IL18R1: variants seen among roughly 807,000 people sequenced by gnomAD.
The protein encoded by IL18R1 is interleukin-18 receptor 1.
IL18R1 carries 40 observed loss-of-function variants against 48.5 expected under a neutral mutation model. The observed-to-expected ratio is 0.82, with a 90% confidence interval of 0.64 to 1.07. The LOEUF is 1.07. IL18R1 is among the 50% of genes least tolerant of loss of function. IL18R1 has a pLI of 0.00. For missense variants in IL18R1, 596 were observed against 633.7 expected, an observed-to-expected ratio of 0.94 and a Z score of 0.64; for synonymous variants, 232 against 225.9, an observed-to-expected ratio of 1.03 and a Z score of -0.24.
At position 102,362,725 on chromosome 2, in the gene IL18R1, G is replaced by T; in HGVS notation, c.58+7G>T. ...ATATCTGTAAGCACTGCAGGTAAGT[G>T]ATTATACATACTCTCAAACATATTT... On this transcript the variant is annotated splice_region_variant and intron_variant, in intron 2 of 10. Transcript: ENST00000233957. 6.6e-7 allele frequency: 1 copy of T among 1,526,464 alleles called. No individual in the cohort carries two copies. Among genetic ancestry groups the T allele is most frequent in the South Asian group, 1.2e-5 (1 of 85,696 alleles). The allele number at this position is 1,526,464 out of a possible 1,614,324, so 94.6% of individuals were successfully genotyped here.
intron 8 of IL18R1, among the ~76,000 whole-genome samples, chr2:102,389,678 C>G (rs1553677452): frequency 1.3e-5 from 2 of 152,272 alleles, no homozygotes; most frequent in South Asian, 2.1e-4. Flanking sequence ...ATCCAGTGCT[C>G]TCTCTCTTCT....
At position 102,356,011 on chromosome 2, in the gene IL18R1, C is replaced by T. The variant is rs1475621126; in HGVS notation, c.-418C>T. The T allele has an allele frequency of 6.6e-6, 1 of 152,188 alleles. No individual in the cohort carries two copies. The highest frequency in any genetic ancestry group is 2.4e-5 in the African/African-American group (1 of 41,432). 9.4% of individuals were successfully genotyped at this position (152,188 alleles called of 1,614,324 possible). A position where few individuals can be genotyped will look rare whatever the true frequency, so the allele number is the denominator to read the frequency against. On this transcript the variant is annotated 5_prime_UTR_variant, in exon 1 of 11. Coordinates refer to ENST00000233957, the MANE Select transcript of IL18R1 (RefSeq NM_003855.5). ...GACCGGAGGGTCCCCAGACCGGGAC[C>T]TCCGAGTCAGGGAGGATTCTACGCC... is the stretch of plus-strand genomic sequence containing the variant.
chr2:102,385,174 T>C (rs1249030268), intron 7 of IL18R1, among the ~76,000 whole-genome samples, 176 bp downstream of exon 7: 1 of 152,180 alleles, frequency 6.6e-6, no homozygotes, highest in Non-Finnish European at 1.5e-5. Flanking sequence ...GGACGCATTA[T>C]GCAGAAATGT....
At position 102,367,913 on chromosome 2, in the gene IL18R1, T is replaced by G; in HGVS notation, c.147T>G (p.Ile49Met). The G allele has an allele frequency of 6.2e-7, 1 of 1,614,220 alleles. No homozygotes were observed. Among genetic ancestry groups the G allele is most frequent in the Non-Finnish European group, 8.5e-7 (1 of 1,180,024 alleles). The change falls in exon 3 of 11, where the codon ATT (isoleucine) becomes ATG (methionine). Residue 49 changes from isoleucine to methionine, a missense_variant. Coordinates refer to ENST00000233957, the MANE Select transcript of IL18R1 (RefSeq NM_003855.5). ...GCTCGTGTTCACTTGCACATGAGAT[T>G]GAAACAACCACCAAAAGCTGGTACA... ...KHCSCSLAHE[I>M]ETTTKSWYKS...
chr2:102,393,182 A>G (rs1680640922), intron 9 of IL18R1, among the ~76,000 whole-genome samples: 1 of 152,146 alleles, frequency 6.6e-6, no homozygotes, highest in Non-Finnish European at 1.5e-5. Flanking sequence ...TTTGTCACTG[A>G]CACAGTGACA....
rs1025075289 is a variant in IL18R1, at chr2:102,397,719, G to A, written c.*833G>A. 1.3e-5 allele frequency: 2 copies of A among 152,280 alleles called. No individual in the cohort carries two copies. Among genetic ancestry groups the A allele is most frequent in the African/African-American group, 4.8e-5 (2 of 41,448 alleles). 9.4% of individuals were successfully genotyped at this position (152,280 alleles called of 1,614,324 possible). A position where few individuals can be genotyped will look rare whatever the true frequency, so the allele number is the denominator to read the frequency against. On this transcript the variant is annotated 3_prime_UTR_variant, in exon 11 of 11. Coordinates refer to ENST00000233957, the MANE Select transcript of IL18R1 (RefSeq NM_003855.5). ...AATAGCAAAAAACTGATAGTTACTT[G>A]CTTGTTTTTTAAAAATTACATATTA...
At chr2:102,363,771 T>C (rs11465573) in intron 2 of IL18R1, among the ~76,000 whole-genome samples, 1,915 of 152,350 alleles carry the variant, frequency 0.013, 49 homozygotes, top group African/African-American at 0.043. Flanking sequence ...ATGTTCTACA[T>C]GTAGGATTCA....
intron 2 of IL18R1, among the ~76,000 whole-genome samples, chr2:102,366,169 G>A (rs11465584): frequency 0.11 from 16,015 of 152,154 alleles, 934 homozygotes; most frequent in Non-Finnish European, 0.13. Flanking sequence ...CTCAAGCTGT[G>A]AATTTTCCAA....
intron 6 of IL18R1, among the ~76,000 whole-genome samples, chr2:102,384,209 A>G (rs1214781162): frequency 6.6e-6 from 1 of 152,178 alleles, no homozygotes; most frequent in Non-Finnish European, 1.5e-5. Flanking sequence ...CATGTGTTTG[A>G]TGCAGGCCTC....
At chr2:102,396,422 A>T in intron 10 of IL18R1, 109 bp from the exon 11 acceptor site, 1 of 590,520 alleles carries the variant, frequency 1.7e-6, no homozygotes, top group South Asian at 2.6e-5. Flanking sequence ...AGAAAAACTT[A>T]TTAGTGAGGT....
intron 1 of IL18R1, among the ~76,000 whole-genome samples, chr2:102,356,879 C>A (rs1678282989): frequency 6.6e-6 from 1 of 152,142 alleles, no homozygotes; most frequent in Non-Finnish European, 1.5e-5. Context: ...CTTTTTTCTG[C>A]CCAGCCTTGG....
intron 5 of IL18R1, among the ~76,000 whole-genome samples, chr2:102,376,577 C>G (rs1431334147): frequency 2.6e-5 from 4 of 152,136 alleles, no homozygotes; most frequent in Non-Finnish European, 5.9e-5. Context: ...AGGACAGATG[C>G]AGGAGGCTCC....
At chr2:102,377,637 T>C (rs1027949945) in intron 5 of IL18R1, among the ~76,000 whole-genome samples, 3 of 152,228 alleles carry the variant, frequency 2.0e-5, no homozygotes, top group Non-Finnish European at 2.9e-5. Context: ...TTCTTTGCCT[T>C]TGCTTTCTCC....
chr2:102,382,669 G>A (rs1679986614), intron 6 of IL18R1, among the ~76,000 whole-genome samples: 1 of 152,098 alleles, frequency 6.6e-6, no homozygotes, highest in South Asian at 2.1e-4. Flanking sequence ...ACTAAAAAGT[G>A]GCAAGTCTCT....
Position 102,356,254 on chromosome 2 carries a change from T to A in IL18R1, c.-175T>A. 1.6e-6 allele frequency: 1 copy of A among 625,432 alleles called. No homozygotes were observed. The highest frequency in any genetic ancestry group is 2.0e-6 in the Non-Finnish European group (1 of 502,118). The allele number at this position is 625,432 out of a possible 1,614,324, so 38.7% of individuals were successfully genotyped here. A position where few individuals can be genotyped will look rare whatever the true frequency, so the allele number is the denominator to read the frequency against. Reference sequence around the variant, plus strand: ...CTCTCTGGGTGCCTTATCTCTTTAATCACACCTCTCTTTCACTTTCCACGG... The same window carrying A: ...CTCTCTGGGTGCCTTATCTCTTTAAACACACCTCTCTTTCACTTTCCACGG... On this transcript the variant is annotated 5_prime_UTR_variant, in exon 1 of 11. Transcript: ENST00000233957.
intron 3 of IL18R1, 53 bp from the exon 4 acceptor site, chr2:102,371,900 A>C: frequency 3.9e-6 from 4 of 1,015,896 alleles, no homozygotes; most frequent in Non-Finnish European, 5.7e-6. Flanking sequence ...GATGGGTGAT[A>C]TTTGCAAAGT....
intron 5 of IL18R1, among the ~76,000 whole-genome samples, chr2:102,376,452 C>T (rs1456265404): frequency 6.6e-6 from 1 of 152,202 alleles, no homozygotes; most frequent in Non-Finnish European, 1.5e-5. Context: ...ATGAAGTGAG[C>T]ACTGTACTAT....
chr2:102,360,675 A>G (rs570653914), intron 1 of IL18R1, among the ~76,000 whole-genome samples: 1 of 152,320 alleles, frequency 6.6e-6, no homozygotes, highest in South Asian at 2.1e-4. Context: ...AATCTCCTAC[A>G]TTGAGTGTAA....
chr2:102,394,564 G>C lies in IL18R1; in HGVS notation c.1207G>C (p.Val403Leu). ...CTTTGCTGTGGAGATTTTGCCCAGG[G>C]TGTTGGAGAAACATTTTGGGTATAA... Reference protein sequence around the residue: ...HTFAVEILPRVLEKHFGYKLC... With the variant: ...HTFAVEILPRLLEKHFGYKLC... Residue 403 changes from valine to leucine, a missense_variant, in exon 10 of 11, where the codon GTG (valine) becomes CTG (leucine). Val to Leu is a conservative substitution (Grantham distance 32). Transcript: ENST00000233957. The C allele has an allele frequency of 2.5e-6, 4 of 1,613,576 alleles. No individual in the cohort carries two copies. Among genetic ancestry groups the C allele is most frequent in the Non-Finnish European group, 3.4e-6 (4 of 1,179,612 alleles).
Sources: allele counts gnomAD v4.1 joint callset (sites outside exome capture counted in the v4.1 genomes callset), GRCh38; gene constraint gnomAD v4.1.1; transcripts MANE v1.5; gene names NCBI Gene and HGNC (gene_info 2026-07-23, HGNC 2026-07-21).